SHANK2: variants seen among roughly 807,000 people sequenced by gnomAD.
SHANK2 encodes the protein SH3 and multiple ankyrin repeat domains 2, also known as SH3 and multiple ankyrin repeat domains protein 2.
Under a neutral mutation model 133.7 loss-of-function variants are expected in SHANK2, and 43 were observed. That is an observed-to-expected ratio of 0.32 (90% CI 0.25 to 0.41). SHANK2 has a LOEUF of 0.41. SHANK2 is among the 10% of genes least tolerant of loss of function. The pLI is 1.00. For synonymous variants in SHANK2, 1,017 were observed against 952.8 expected (o/e 1.07, Z -1.24); for missense variants, 1,994 against 2,235.8 (o/e 0.89, Z 2.18).
intron 17 of SHANK2, among the ~76,000 whole-genome samples, chr11:70,620,972 T>C (rs1419169341): frequency 6.6e-6 from 1 of 152,168 alleles, no homozygotes; most frequent in African/African-American, 2.4e-5. Flanking sequence ...GAATAAGACA[T>C]GTGGGGTCCG....
At chr11:70,866,665 G>A (rs530421752) in intron 11 of SHANK2, among the ~76,000 whole-genome samples, 1 of 152,292 alleles carries the variant, frequency 6.6e-6, no homozygotes, top group South Asian at 2.1e-4. Flanking sequence ...CAGTAGGAAT[G>A]ACTTTTCTTA....
chr11:70,619,289 C>A lies in SHANK2; in HGVS notation c.2061+40539G>T, dbSNP rs11236917. ...CCCAGGGCTCAGGAGGCTGAGAGAG[C>A]GGCGTTGGCAGGGCTGGCTCCTTCC... On this transcript the variant is annotated intron_variant, in intron 17 of 25. Coordinates refer to ENST00000601538, the MANE Select transcript of SHANK2 (RefSeq NM_012309.5). Among the ~76,000 whole-genome samples, 614 of 152,276 alleles carry A rather than the reference C, an allele frequency of 4.0e-3. 3 individuals carry two copies. Among genetic ancestry groups the A allele is most frequent in the African/African-American group, 0.013 (524 of 41,566 alleles).
intron 17 of SHANK2, among the ~76,000 whole-genome samples, chr11:70,602,644 ACT>A (rs782492155): frequency 3.5e-4 from 54 of 152,164 alleles, no homozygotes; most frequent in Admixed American, 1.3e-4. Flanking sequence ...GCCTGTATTT[ACT>A]CTCTGCATTT....
intron 12 of SHANK2, among the ~76,000 whole-genome samples, chr11:70,810,052 C>T (rs563760591): frequency 1.1e-4 from 16 of 152,212 alleles, no homozygotes; most frequent in Non-Finnish European, 2.4e-4. Flanking sequence ...GACCACTGTT[C>T]CCCATCGATG....
chr11:71,185,341 T>C (rs1555114329), intron 2 of SHANK2, among the ~76,000 whole-genome samples: 3 of 152,224 alleles, frequency 2.0e-5, no homozygotes, highest in African/African-American at 7.2e-5. Flanking sequence ...CCACCCTTCC[T>C]ACCTTCACCT....
chr11:70,655,768 G>C (rs538170851), intron 17 of SHANK2, among the ~76,000 whole-genome samples: 2 of 152,138 alleles, frequency 1.3e-5, no homozygotes, highest in African/African-American at 4.8e-5. Context: ...TGTTTGGGTC[G>C]AGGAGACTTT....
At chr11:70,553,061 GC>G (rs1452459569) in intron 17 of SHANK2, among the ~76,000 whole-genome samples, 1 of 151,958 alleles carries the variant, frequency 6.6e-6, no homozygotes, top group Non-Finnish European at 1.5e-5. Context: ...TCGGATTAAG[GC>G]CCCCTCTAAT....
At chr11:70,528,624 C>T (rs373628775) in intron 17 of SHANK2, among the ~76,000 whole-genome samples, 7 of 152,076 alleles carry the variant, frequency 4.6e-5, no homozygotes, top group East Asian at 3.9e-4. Context: ...GAAGCAGGCC[C>T]GGCAGAGCCT....
intron 17 of SHANK2, among the ~76,000 whole-genome samples, chr11:70,558,918 A>G (rs1554980220): frequency 6.6e-6 from 1 of 152,226 alleles, no homozygotes; most frequent in African/African-American, 2.4e-5. Context: ...GCGTCTGCAC[A>G]CGGAAGAGAG....
chr11:70,676,452 G>A (rs900548217), intron 15 of SHANK2, among the ~76,000 whole-genome samples: 59 of 152,196 alleles, frequency 3.9e-4, no homozygotes, highest in African/African-American at 1.4e-3. Context: ...GACGTGCTAT[G>A]GGGACATCAT....
chr11:70,505,245 G>T (rs2059119527), intron 17 of SHANK2, among the ~76,000 whole-genome samples: 1 of 152,180 alleles, frequency 6.6e-6, no homozygotes, highest in Non-Finnish European at 1.5e-5. Flanking sequence ...TGAGAGCAGG[G>T]CCTTGGATGC....
At chr11:71,111,080 C>G (rs1263126128) in intron 5 of SHANK2, among the ~76,000 whole-genome samples, 3 of 152,214 alleles carry the variant, frequency 2.0e-5, no homozygotes, top group Admixed American at 2.0e-4. Context: ...AGACTTGCAG[C>G]CTCCAAAATG....
At chr11:71,117,278 C>G (rs1555100541) in intron 4 of SHANK2, among the ~76,000 whole-genome samples, 1 of 152,186 alleles carries the variant, frequency 6.6e-6, no homozygotes, top group African/African-American at 2.4e-5. Context: ...CCTCGGCCTC[C>G]CAAAGTGCTG....
At chr11:71,223,858 G>A (rs1442027233) in intron 2 of SHANK2, among the ~76,000 whole-genome samples, 1 of 152,168 alleles carries the variant, frequency 6.6e-6, no homozygotes, top group African/African-American at 2.4e-5. Flanking sequence ...TCATCTGTCT[G>A]CAGCCACACT....
At chr11:70,546,311 G>C (rs1565118118) in intron 17 of SHANK2, among the ~76,000 whole-genome samples, 1 of 151,946 alleles carries the variant, frequency 6.6e-6, no homozygotes, top group East Asian at 1.9e-4. Context: ...TCAACCTCCA[G>C]CCCCTCTTCC....
At chr11:70,775,481 C>T (rs1026546163) in intron 14 of SHANK2, among the ~76,000 whole-genome samples, 7 of 152,280 alleles carry the variant, frequency 4.6e-5, no homozygotes, top group African/African-American at 1.4e-4. Flanking sequence ...AATTATTTTG[C>T]AGACTGCTTT....
chr11:71,171,263 G>A (rs560274979), intron 2 of SHANK2, among the ~76,000 whole-genome samples: 4 of 152,302 alleles, frequency 2.6e-5, no homozygotes, highest in Admixed American at 6.5e-5. Flanking sequence ...AAAGACCTGC[G>A]ACGGGCTGTC....
At chr11:70,488,594 C>G (rs1345578224) in intron 24 of SHANK2, among the ~76,000 whole-genome samples, 2 of 152,190 alleles carry the variant, frequency 1.3e-5, no homozygotes, top group African/African-American at 4.8e-5. Flanking sequence ...GGGAGGGAGC[C>G]CAGGTTCCTT....
rs1590970499 is a variant in SHANK2 at position 71,157,290 on chromosome 11, T to C, written c.-12-9952A>G. 2.6e-5 allele frequency among the ~76,000 whole-genome samples: 4 copies of C among 152,304 alleles called. No homozygotes were observed. In the South Asian group the frequency reaches 8.3e-4, roughly 32 times the overall value. Reference sequence around the variant, plus strand: ...GAAAACAAGCTACTAATAAATCAGATGCCTGAATTAAAATGATACGTCACT... The same window carrying C: ...GAAAACAAGCTACTAATAAATCAGACGCCTGAATTAAAATGATACGTCACT... On this transcript the variant is annotated intron_variant, in intron 2 of 25. Coordinates refer to ENST00000601538, the MANE Select transcript of SHANK2 (RefSeq NM_012309.5).
Sources: allele counts gnomAD v4.1 joint callset (sites outside exome capture counted in the v4.1 genomes callset), GRCh38; gene constraint gnomAD v4.1.1; transcripts MANE v1.5; gene names NCBI Gene and HGNC (gene_info 2026-07-23, HGNC 2026-07-21).